The following WIPF2 variants were observed in gnomAD, a reference collection of about 807,000 sequenced individuals.
WIPF2 encodes WAS/WASL interacting protein family member 2, also known as WAS/WASL-interacting protein family member 2.
A neutral mutation model predicts 38.8 loss-of-function variants in WIPF2; 23 were observed. That is an observed-to-expected ratio of 0.59 (90% CI 0.43 to 0.84). The LOEUF is 0.84. Among genes scored for constraint, WIPF2 ranks in the 40% least tolerant of loss-of-function variants. The pLI, the probability that WIPF2 is intolerant of heterozygous loss-of-function variation, is 0.00. For synonymous variants in WIPF2, 210 were observed against 223.2 expected, an observed-to-expected ratio of 0.94 and a Z score of 0.53; for missense variants, 574 against 580.5, an observed-to-expected ratio of 0.99 and a Z score of 0.11.
In WIPF2 at chr17:40,264,941, C is replaced by G. The variant is rs1424395123; in HGVS notation, c.765C>G (p.Tyr255Ter). ...CTCTGGCTCCTCCTCCTCCGCCTTA[C>G]CGCCAGCCTCCTGGGGTCCCCAATG... is the stretch of plus-strand genomic sequence containing the variant. Reference protein sequence around the residue: ...GQSLAPPPPPYRQPPGVPNGP... With the variant: ...GQSLAPPPPP The change falls in exon 5 of 8, where the codon TAC becomes TAG. Residue 255 changes from tyrosine (Y) to a stop codon, truncating the protein, a stop_gained. Transcript: ENST00000323571. LOFTEE classifies it high-confidence loss of function. 1 of 1,614,234 alleles carries G rather than the reference C, an allele frequency of 6.2e-7. No individual in the cohort carries two copies.
chr17:40,258,966 A>G (rs2031813974), intron 2 of WIPF2, among the ~76,000 whole-genome samples: 1 of 134,358 alleles, frequency 7.4e-6, no homozygotes, highest in East Asian at 2.5e-4. Flanking sequence ...AAAATTTTTT[A>G]GGCCGGGTGC....
intron 1 of WIPF2, among the ~76,000 whole-genome samples, chr17:40,241,571 C>T (rs866751547): frequency 3.8e-4 from 58 of 152,168 alleles, no homozygotes; most frequent in African/African-American, 1.3e-3. Flanking sequence ...TCTCTAAACC[C>T]GCTCCTGGGA....
chr17:40,259,188 T>G (rs1315183484), intron 2 of WIPF2, among the ~76,000 whole-genome samples: 1 of 151,332 alleles, frequency 6.6e-6, no homozygotes, highest in Non-Finnish European at 1.5e-5. Context: ...GGCCTCGTGC[T>G]GATTTTTAGG....
At chr17:40,268,393 G>T (rs964456501) in intron 5 of WIPF2, among the ~76,000 whole-genome samples, 7 of 152,028 alleles carry the variant, frequency 4.6e-5, no homozygotes, top group African/African-American at 1.7e-4. Context: ...TTAACTTAGG[G>T]ATTTTACAAA....
At position 40,277,723 on chromosome 17, in the gene WIPF2, C is replaced by CTTTTTTTT. The variant is rs528401568; in HGVS notation, c.1283-450_1283-443dup. Among the ~76,000 whole-genome samples the CTTTTTTTT allele has an allele frequency of 2.7e-4, 26 of 97,606 alleles. 2 individuals are homozygous for CTTTTTTTT. The highest frequency in any genetic ancestry group is 6.1e-4 in the African/African-American group (11 of 17,932). The allele number at this position is 97,606 out of a possible 152,430, so 64.0% of individuals were successfully genotyped here. A position where few individuals can be genotyped will look rare whatever the true frequency, so the allele number is the denominator to read the frequency against. On this transcript the variant is annotated intron_variant, in intron 7 of 7. Coordinates refer to ENST00000323571, the MANE Select transcript of WIPF2 (RefSeq NM_133264.5). The stretch of plus-strand genomic sequence containing the variant: ...ATTGCTTCTCATCATCTTCGTTGTC[C>CTTTTTTTT]TTTTTTTTTTTTTTTTTTTGAGATA...
chr17:40,225,656 A>AG (rs1180231130), intron 1 of WIPF2, among the ~76,000 whole-genome samples: 2 of 152,110 alleles, frequency 1.3e-5, no homozygotes, highest in African/African-American at 4.8e-5. Context: ...TGGATCGTGA[A>AG]GATCATTCCC....
intron 1 of WIPF2, among the ~76,000 whole-genome samples, chr17:40,227,021 G>A (rs962389124): frequency 6.6e-6 from 1 of 151,784 alleles, no homozygotes; most frequent in East Asian, 1.9e-4. Context: ...GATTACAGGC[G>A]TGAGCCACCA....
In WIPF2 at chr17:40,278,715, G is replaced by A. The variant is rs1455895670; in HGVS notation, c.*490G>A. 6.5e-6 allele frequency: 1 copy of A among 154,902 alleles called. No homozygotes were observed. The highest frequency in any genetic ancestry group is 2.4e-5 in the African/African-American group (1 of 41,454). 9.6% of individuals were successfully genotyped at this position (154,902 alleles called of 1,614,324 possible). On this transcript the variant is annotated 3_prime_UTR_variant, in exon 8 of 8. Coordinates refer to ENST00000323571, the MANE Select transcript of WIPF2 (RefSeq NM_133264.5). ...AAGCAAGAAAGGAGTTTGCCAAGAA[G>A]TGATCTGTTTTAAAGGTCATATTTG...
Position 40,278,173 on chromosome 17 carries a change from GT to G in WIPF2, c.1283-4del. 2.5e-6 allele frequency: 4 copies of G among 1,610,598 alleles called. No individual in the cohort carries two copies. The highest frequency in any genetic ancestry group is 1.7e-5 in the Admixed American group (1 of 59,500). ...CCTGTATGTGTGTGGTCTTTATTTT[GT>G]TTTTTTTCAGCTGCCCGTGGAGCCC... On this transcript the variant is annotated splice_polypyrimidine_tract_variant and intron_variant, in intron 7 of 7. Coordinates refer to ENST00000323571, the MANE Select transcript of WIPF2 (RefSeq NM_133264.5).
chr17:40,260,205 GC>G (rs2031851833), intron 2 of WIPF2, among the ~76,000 whole-genome samples: 1 of 20,748 alleles, frequency 4.8e-5, no homozygotes. Flanking sequence ...TTTTTTTTTT[GC>G]AGGCACATTC....
intron 5 of WIPF2, among the ~76,000 whole-genome samples, chr17:40,265,718 T>C (rs1044534375): frequency 6.6e-6 from 1 of 152,142 alleles, no homozygotes; most frequent in Admixed American, 6.6e-5. Flanking sequence ...GAGAGCGCAC[T>C]GCAGGATTTT....
rs2032487477 is a variant in WIPF2 at position 40,278,962 on chromosome 17, A to T, written c.*737A>T. ...AGCAAAGGGAACAGGAGCCATTTGA[A>T]CCCTCTGGGACCCCTCACCCCACTG... On this transcript the variant is annotated 3_prime_UTR_variant, in exon 8 of 8. Transcript: ENST00000323571. 6.6e-6 allele frequency: 1 copy of T among 151,958 alleles called. No individual in the cohort carries two copies. The highest frequency in any genetic ancestry group is 6.6e-5 in the Admixed American group (1 of 15,252). 9.4% of individuals were successfully genotyped at this position (151,958 alleles called of 1,614,324 possible). A position where few individuals can be genotyped will look rare whatever the true frequency, so the allele number is the denominator to read the frequency against.
chr17:40,268,330 A>C (rs1356914154), intron 5 of WIPF2, among the ~76,000 whole-genome samples: 1 of 152,112 alleles, frequency 6.6e-6, no homozygotes, highest in Non-Finnish European at 1.5e-5. Flanking sequence ...AGCCATAATG[A>C]GGTAGTGCTA....
chr17:40,260,788 G>C (rs2031875378), intron 3 of WIPF2, 121 bp downstream of exon 3: 3 of 1,328,198 alleles, frequency 2.3e-6, no homozygotes, highest in Non-Finnish European at 2.1e-6. Flanking sequence ...GATGTGCTTT[G>C]GCTCTCTTCT....
At chr17:40,277,722 C>CTTTTTTTTTTTTTTTTT (rs1567727173) in intron 7 of WIPF2, among the ~76,000 whole-genome samples, 1 of 99,590 alleles carries the variant, frequency 1.0e-5, no homozygotes, top group African/African-American at 6.1e-5. Context: ...TCTTCGTTGT[C>CTTTTTTTTTTTTTTTTT]CTTTTTTTTT....
rs1415983731 is a variant in WIPF2 at position 40,283,504 on chromosome 17, C to G, written c.*5279C>G. On this transcript the variant is annotated 3_prime_UTR_variant, in exon 8 of 8. Coordinates refer to ENST00000323571, the MANE Select transcript of WIPF2 (RefSeq NM_133264.5). ...TTAAGTGATTGTCCCACCTCAGCTTCTCAAAGTGCTGGGATTACAGGCATG... is the reference window on the plus strand; with the variant it reads ...TTAAGTGATTGTCCCACCTCAGCTTGTCAAAGTGCTGGGATTACAGGCATG... The G allele has an allele frequency of 6.6e-6, 1 of 152,218 alleles. No individual in the cohort carries two copies. Among genetic ancestry groups the G allele is most frequent in the Non-Finnish European group, 1.5e-5 (1 of 68,066 alleles). 9.4% of individuals were successfully genotyped at this position (152,218 alleles called of 1,614,324 possible). A position where few individuals can be genotyped will look rare whatever the true frequency, so the allele number is the denominator to read the frequency against.
At chr17:40,244,831 A>G (rs1454849215) in intron 1 of WIPF2, among the ~76,000 whole-genome samples, 3 of 152,210 alleles carry the variant, frequency 2.0e-5, no homozygotes, top group South Asian at 2.1e-4. Flanking sequence ...CTCTTTCCCC[A>G]GATGTTTACA....
chr17:40,220,591 A>ATATATATATATG (rs2030156555), intron 1 of WIPF2: 3 of 76,716 alleles, frequency 3.9e-5, no homozygotes, highest in Non-Finnish European at 7.4e-5. Flanking sequence ...ATATATATAT[A>ATATATATATATG]TATATATATA....
chr17:40,220,591 A>ATATATATATATATATATATATATGTG (rs2030157096), intron 1 of WIPF2: 1 of 76,716 alleles, frequency 1.3e-5, no homozygotes, highest in African/African-American at 5.6e-5. Context: ...ATATATATAT[A>ATATATATATATATATATATATATGTG]TATATATATA....
Sources: allele counts gnomAD v4.1 joint callset (sites outside exome capture counted in the v4.1 genomes callset), GRCh38; gene constraint gnomAD v4.1.1; transcripts MANE v1.5; gene names NCBI Gene and HGNC (gene_info 2026-07-23, HGNC 2026-07-21).